The following FANCL variants were observed in gnomAD, a reference collection of about 807,000 sequenced individuals.
FANCL encodes the protein FA complementation group L.
A neutral mutation model predicts 59.4 loss-of-function variants in FANCL; 69 were observed. That is an observed-to-expected ratio of 1.16 (90% CI 0.96 to 1.42). The LOEUF is 1.42. FANCL is among the 40% of genes most tolerant of loss of function. FANCL has a pLI of 0.00. For synonymous variants in FANCL, 180 were observed against 147.1 expected, an observed-to-expected ratio of 1.22 and a Z score of -1.62; for missense variants, 519 against 447.2, an observed-to-expected ratio of 1.16 and a Z score of -1.45.
chr2:58,238,379 T>C (rs1694216435), intron 1 of FANCL, among the ~76,000 whole-genome samples: 1 of 152,168 alleles, frequency 6.6e-6, no homozygotes, highest in South Asian at 2.1e-4. Flanking sequence ...ACAGAAACAG[T>C]GAGACAATAA....
At chr2:58,212,957 TTC>T (rs1691328597) in intron 5 of FANCL, among the ~76,000 whole-genome samples, 2 of 152,254 alleles carry the variant, frequency 1.3e-5, no homozygotes, top group African/African-American at 4.8e-5. Context: ...TTTTAAATAT[TTC>T]TTTTTCTTTT....
chr2:58,227,552 G>A (rs1693143978), intron 3 of FANCL, among the ~76,000 whole-genome samples: 1 of 152,186 alleles, frequency 6.6e-6, no homozygotes, highest in Admixed American at 6.5e-5. Flanking sequence ...TCAATGGCCT[G>A]CCGGCATGCT....
chr2:58,184,643 G>A lies in FANCL; in HGVS notation c.540+13951C>T, dbSNP rs529993251. ...TTAAAGACAACAGAAATTAGCAACA[G>A]AAAACAACCCTTAAACATACATACA... is the stretch of plus-strand genomic sequence containing the variant. On this transcript the variant is annotated intron_variant, in intron 7 of 13. Transcript: ENST00000233741. Among the ~76,000 whole-genome samples, 5 of 152,074 alleles carry A rather than the reference G, an allele frequency of 3.3e-5. No homozygotes were observed. The South Asian group carries it at 1.0e-3, about 32-fold the overall frequency.
intron 3 of FANCL, among the ~76,000 whole-genome samples, chr2:58,227,747 G>A (rs1165584368): frequency 6.6e-6 from 1 of 152,156 alleles, no homozygotes; most frequent in Non-Finnish European, 1.5e-5. Flanking sequence ...CTTGGGAAAT[G>A]CCTGTCCTCA....
intron 1 of FANCL, among the ~76,000 whole-genome samples, chr2:58,236,892 G>C (rs1694074112): frequency 6.6e-6 from 1 of 152,114 alleles, no homozygotes; most frequent in Admixed American, 6.5e-5. Flanking sequence ...TCCTAAAGGA[G>C]TCAATTCATA....
chr2:58,185,417 T>C (rs1688303895), intron 7 of FANCL, among the ~76,000 whole-genome samples: 1 of 152,122 alleles, frequency 6.6e-6, no homozygotes, highest in Non-Finnish European at 1.5e-5. Context: ...AAAAGATTTC[T>C]GAACAAACCA....
intron 7 of FANCL, among the ~76,000 whole-genome samples, chr2:58,179,117 T>C (rs1306237021): frequency 6.6e-6 from 1 of 152,190 alleles, no homozygotes; most frequent in Non-Finnish European, 1.5e-5. Flanking sequence ...TCCATATTCA[T>C]GGATAGGAAG....
intron 7 of FANCL, among the ~76,000 whole-genome samples, chr2:58,189,878 CT>C (rs1688753675): frequency 1.3e-5 from 2 of 151,900 alleles, no homozygotes; most frequent in African/African-American, 4.8e-5. Flanking sequence ...CAATTCTGAT[CT>C]TTTTTATTCT....
At chr2:58,215,214 C>A (rs1691595573) in intron 5 of FANCL, among the ~76,000 whole-genome samples, 1 of 152,206 alleles carries the variant, frequency 6.6e-6, no homozygotes, top group African/African-American at 2.4e-5. Context: ...ATAACCTCAG[C>A]AGGAACTGCT....
chr2:58,162,739 G>A lies in FANCL; in HGVS notation c.903+127C>T. ...AAAGGTAAACAAGTTTTTTGATGCA[G>A]ATCAGAAGTCTGTGTTATAATATTT... On this transcript the variant is annotated intron_variant, in intron 11 of 13. Transcript: ENST00000233741. The A allele has an allele frequency of 3.6e-6, 3 of 833,284 alleles. No individual in the cohort carries two copies. The South Asian group carries it at 4.5e-5, about 13-fold the overall frequency. The allele number at this position is 833,284 out of a possible 1,614,324, so 51.6% of individuals were successfully genotyped here.
intron 5 of FANCL, among the ~76,000 whole-genome samples, chr2:58,220,317 G>A (rs1447316629): frequency 6.6e-6 from 1 of 152,138 alleles, no homozygotes; most frequent in Admixed American, 6.5e-5. Flanking sequence ...CTGAAGGAAT[G>A]GCTAACCTAT....
At chr2:58,214,150 C>T (rs1044129173) in intron 5 of FANCL, among the ~76,000 whole-genome samples, 2 of 152,128 alleles carry the variant, frequency 1.3e-5, no homozygotes, top group Admixed American at 6.5e-5. Context: ...ACTTCATAAA[C>T]AACAGTCCCA....
chr2:58,163,126 C>T, intron 9 of FANCL, 52 bp from the exon 10 acceptor site: 5 of 1,448,828 alleles, frequency 3.5e-6, no homozygotes, highest in Non-Finnish European at 4.8e-6. Context: ...CTCTTGGTTT[C>T]TAAAGCCACA....
chr2:58,173,547 G>C (rs1686910072), intron 7 of FANCL, among the ~76,000 whole-genome samples: 1 of 152,112 alleles, frequency 6.6e-6, no homozygotes, highest in Non-Finnish European at 1.5e-5. Flanking sequence ...AGCTTCATAA[G>C]TGAAGGAGAA....
chr2:58,238,236 T>C (rs1268907805), intron 1 of FANCL, among the ~76,000 whole-genome samples: 1 of 152,198 alleles, frequency 6.6e-6, no homozygotes, highest in African/African-American at 2.4e-5. Flanking sequence ...CTTCTTCCAA[T>C]GTGACCCAGG....
rs1243841573 is a variant in FANCL at position 58,170,664 on chromosome 2, T to C, written c.541-4790A>G. 2.1e-5 allele frequency among the ~76,000 whole-genome samples: 3 copies of C among 144,762 alleles called. No individual in the cohort carries two copies. In the South Asian group the frequency reaches 6.5e-4, roughly 32 times the overall value. The allele number at this position is 144,762 out of a possible 152,430, so 95.0% of individuals were successfully genotyped here. A position where few individuals can be genotyped will look rare whatever the true frequency, so the allele number is the denominator to read the frequency against. ...AACACACAGGCTCGAAATAAAGGGA[T>C]GGAGGAATATTTACCAAGCAAATGG... On this transcript the variant is annotated intron_variant, in intron 7 of 13. Transcript: ENST00000233741.
intron 5 of FANCL, among the ~76,000 whole-genome samples, chr2:58,219,585 C>T (rs1692271896): frequency 1.3e-5 from 2 of 151,860 alleles, no homozygotes; most frequent in South Asian, 4.2e-4. Flanking sequence ...TAATCAAGAT[C>T]AAGATCAACA....
intron 5 of FANCL, among the ~76,000 whole-genome samples, chr2:58,220,923 A>G (rs960517582): frequency 4.6e-5 from 7 of 152,328 alleles, no homozygotes; most frequent in South Asian, 2.1e-4. Flanking sequence ...TTAAGAAGTG[A>G]TAAGAATTGC....
intron 1 of FANCL, among the ~76,000 whole-genome samples, chr2:58,240,566 G>C (rs896618773): frequency 2.0e-5 from 3 of 152,120 alleles, no homozygotes; most frequent in African/African-American, 7.2e-5. Context: ...TGCCTCAAAG[G>C]GCTGAGGATT....
Sources: allele counts gnomAD v4.1 joint callset (sites outside exome capture counted in the v4.1 genomes callset), GRCh38; gene constraint gnomAD v4.1.1; transcripts MANE v1.5; gene names NCBI Gene and HGNC (gene_info 2026-07-23, HGNC 2026-07-21).